The following RIT2 variants were observed in gnomAD, a reference collection of about 807,000 sequenced individuals.
RIT2 encodes GTP-binding protein Rit2.
Under a neutral mutation model 23.7 loss-of-function variants are expected in RIT2, and 24 were observed. The ratio of observed to expected loss-of-function variants is 1.01; its 90% confidence interval spans 0.73 to 1.43. The LOEUF (loss-of-function observed/expected upper bound fraction) is 1.43. Among genes scored for constraint, RIT2 ranks in the 40% most tolerant of loss-of-function variants. RIT2 has a pLI of 0.00. For missense variants in RIT2, 236 were observed against 266.9 expected (o/e 0.88, Z 0.81); for synonymous variants, 107 against 91.1 (o/e 1.17, Z -0.99).
intron 4 of RIT2, among the ~76,000 whole-genome samples, chr18:42,834,847 A>C (rs1348534200): frequency 1.3e-5 from 2 of 152,192 alleles, no homozygotes; most frequent in African/African-American, 4.8e-5. Context: ...AGTTCATGCC[A>C]GAGTGAATTC....
intron 1 of RIT2, among the ~76,000 whole-genome samples, chr18:43,094,578 C>A (rs1446757769): frequency 6.6e-6 from 1 of 151,476 alleles, no homozygotes; most frequent in Non-Finnish European, 1.5e-5. Flanking sequence ...GAGAATAGGC[C>A]CAATTTGTTT....
intron 4 of RIT2, among the ~76,000 whole-genome samples, chr18:42,891,519 TAAAC>T (rs1908175108): frequency 6.6e-6 from 1 of 152,106 alleles, no homozygotes; most frequent in Non-Finnish European, 1.5e-5. Context: ...GGTAAATGCA[TAAAC>T]AAACCATGGT....
chr18:42,910,189 T>C (rs181781931), intron 4 of RIT2, among the ~76,000 whole-genome samples: 52 of 152,074 alleles, frequency 3.4e-4, no homozygotes, highest in African/African-American at 1.1e-3. Flanking sequence ...CAATGGCCAA[T>C]TGAGAAAGAG....
At chr18:42,756,500 GAGA>G (rs2143892203) in intron 4 of RIT2, among the ~76,000 whole-genome samples, 1 of 152,268 alleles carries the variant, frequency 6.6e-6, no homozygotes, top group Non-Finnish European at 1.5e-5. Flanking sequence ...AGGGAAAAAA[GAGA>G]AGGTTAATGC....
At chr18:42,863,790 C>A (rs947287768) in intron 4 of RIT2, among the ~76,000 whole-genome samples, 2 of 152,040 alleles carry the variant, frequency 1.3e-5, no homozygotes, top group African/African-American at 4.8e-5. Context: ...CACCTCAACC[C>A]GAATCTCAAG....
chr18:42,973,104 C>A lies in RIT2; in HGVS notation c.234+970G>T, dbSNP rs926066973. Among the ~76,000 whole-genome samples the A allele has an allele frequency of 7.3e-5, 11 of 151,628 alleles. No homozygotes were observed. The East Asian group carries it at 2.1e-3, about 29-fold the overall frequency. On this transcript the variant is annotated intron_variant, in intron 3 of 4. Transcript: ENST00000326695. The stretch of plus-strand genomic sequence containing the variant: ...CTTACTTTGAGTTTGGCTACTTTTG[C>A]CTACCTTTTTAATTCCTTATTTGAT...
chr18:43,093,577 G>A (rs887752429), intron 1 of RIT2, among the ~76,000 whole-genome samples: 4 of 151,990 alleles, frequency 2.6e-5, no homozygotes, highest in African/African-American at 7.2e-5. Context: ...TATGATAAGG[G>A]AACTAGAGAA....
chr18:43,087,095 C>T (rs1324124498), intron 1 of RIT2, among the ~76,000 whole-genome samples: 2 of 151,838 alleles, frequency 1.3e-5, no homozygotes, highest in African/African-American at 2.4e-5. Flanking sequence ...ACTAAAAATA[C>T]AAAAATTAGC....
At chr18:43,076,897 A>C (rs1170833663) in intron 1 of RIT2, among the ~76,000 whole-genome samples, 1 of 151,746 alleles carries the variant, frequency 6.6e-6, no homozygotes, top group Non-Finnish European at 1.5e-5. Context: ...AGGTCAGGAG[A>C]TCGAGACCAT....
chr18:42,873,801 A>G (rs1174158403), intron 4 of RIT2, among the ~76,000 whole-genome samples: 1 of 152,118 alleles, frequency 6.6e-6, no homozygotes, highest in Non-Finnish European at 1.5e-5. Context: ...GAGGGGACAA[A>G]TTTTCTAAAC....
intron 4 of RIT2, among the ~76,000 whole-genome samples, chr18:42,787,979 T>G (rs968643950): frequency 6.6e-6 from 1 of 150,926 alleles, no homozygotes; most frequent in Non-Finnish European, 1.5e-5. Context: ...AAAATTAATA[T>G]GAATGTTAAT....
intron 4 of RIT2, among the ~76,000 whole-genome samples, chr18:42,877,080 T>G (rs1057287460): frequency 6.6e-6 from 1 of 151,816 alleles, no homozygotes; most frequent in Non-Finnish European, 1.5e-5. Context: ...CCACTACCCT[T>G]GAGAAATATC....
chr18:42,890,896 C>G (rs2144093343), intron 4 of RIT2, among the ~76,000 whole-genome samples: 1 of 152,122 alleles, frequency 6.6e-6, no homozygotes, highest in East Asian at 1.9e-4. Context: ...ATTCTAGGAG[C>G]AATGCTAAAC....
chr18:42,840,958 C>T (rs1450255729), intron 4 of RIT2, among the ~76,000 whole-genome samples: 2 of 152,164 alleles, frequency 1.3e-5, no homozygotes, highest in Non-Finnish European at 2.9e-5. Flanking sequence ...GACTACCTTC[C>T]GAAGTTAGGA....
chr18:42,912,089 ATGATAAAATG>A (rs1466869604), intron 4 of RIT2, among the ~76,000 whole-genome samples: 2 of 151,864 alleles, frequency 1.3e-5, no homozygotes, highest in Non-Finnish European at 2.9e-5. Flanking sequence ...ATAATGCACT[ATGATAAAATG>A]TGATTTATTC....
At chr18:43,086,329 T>C (rs568410502) in intron 1 of RIT2, among the ~76,000 whole-genome samples, 2 of 152,254 alleles carry the variant, frequency 1.3e-5, no homozygotes, top group African/African-American at 4.8e-5. Context: ...AAAAGACTGC[T>C]ATGAACAACT....
chr18:42,928,196 G>A (rs765581837), intron 3 of RIT2, among the ~76,000 whole-genome samples: 3 of 152,002 alleles, frequency 2.0e-5, no homozygotes, highest in Non-Finnish European at 4.4e-5. Context: ...ACCTAACACT[G>A]TACCAAGTGG....
chr18:42,985,216 A>G (rs1208590183), intron 2 of RIT2, among the ~76,000 whole-genome samples: 1 of 152,168 alleles, frequency 6.6e-6, no homozygotes, highest in Admixed American at 6.5e-5. Flanking sequence ...TAAATCTTGT[A>G]AAATGTTTGT....
chr18:42,922,978 G>A (rs574020457), intron 4 of RIT2, among the ~76,000 whole-genome samples: 88 of 152,170 alleles, frequency 5.8e-4, no homozygotes, highest in South Asian at 4.1e-4. Flanking sequence ...ACATGGTAGC[G>A]TAAACAATTT....
Sources: gnomAD v4.1 joint callset for allele counts (sites outside exome capture counted in the v4.1 genomes callset) on GRCh38, gnomAD v4.1.1 for gene constraint, MANE v1.5 for transcripts, NCBI Gene and HGNC (gene_info 2026-07-23, HGNC 2026-07-21) for gene names.